The following SPATA2 variants were observed in gnomAD, a reference collection of about 807,000 sequenced individuals.
The protein encoded by SPATA2 is spermatogenesis-associated protein 2.
A neutral mutation model predicts 35.4 loss-of-function variants in SPATA2; 8 were observed. The observed-to-expected ratio is 0.23, with a 90% CI of 0.13 to 0.41. The LOEUF is 0.41. Among genes scored for constraint, SPATA2 ranks in the 10% least tolerant of loss-of-function variants. SPATA2 has a pLI of 1.00. For missense variants in SPATA2, 650 were observed against 698.7 expected (o/e 0.93, Z 0.79); for synonymous variants, 293 against 300.9 (o/e 0.97, Z 0.27).
chr20:49,907,163 C>A (rs149698362), intron 2 of SPATA2, among the ~76,000 whole-genome samples: 1 of 152,162 alleles, frequency 6.6e-6, no homozygotes. Flanking sequence ...TGGGTTCAAG[C>A]GATTCTCCTG....
chr20:49,914,136 C>T (rs1170997195), intron 1 of SPATA2, among the ~76,000 whole-genome samples: 1 of 152,038 alleles, frequency 6.6e-6, no homozygotes, highest in Non-Finnish European at 1.5e-5. Context: ...TCAGCACCTC[C>T]TGCACCCACA....
Position 49,906,670 on chromosome 20 carries a change from A to G in SPATA2, c.512T>C (p.Val171Ala). The G allele has an allele frequency of 6.2e-7, 1 of 1,614,152 alleles. No homozygotes were observed. Among genetic ancestry groups the G allele is most frequent in the Non-Finnish European group, 8.5e-7 (1 of 1,180,028 alleles). Residue 171 changes from valine (V) to alanine (A), a missense_variant, in exon 3 of 3, where the codon GTC becomes GCC. By Grantham distance (64) the Val-to-Ala change is moderately conservative (BLOSUM62 0). Coordinates refer to ENST00000289431, the MANE Select transcript of SPATA2 (RefSeq NM_006038.4). The surrounding 1 kb of genome is among the most constrained non-coding windows in gnomAD (Gnocchi z 8.2). ...GATTTCTAGCATCTGCTCACACTCG[A>G]CTTTGGCCAGAAAGAGCTCAAAGGA... The part of the protein sequence containing the change: ...MVSFELFLAK[V>A]ECEQMLEIHS...
Position 49,905,887 on chromosome 20 carries a change from T to A in SPATA2, c.1295A>T (p.Lys432Met). Residue 432 changes from lysine (K) to methionine (M), a missense_variant, in exon 3 of 3, where the codon AAG (lysine) becomes ATG (methionine). Coordinates refer to ENST00000289431, the MANE Select transcript of SPATA2 (RefSeq NM_006038.4). ...SLAHGASLREKYPGQTQGLDR... is the reference protein window; with the variant it reads ...SLAHGASLREMYPGQTQGLDR... Reference sequence around the variant, plus strand: ...GAGGCCCTGAGTCTGGCCTGGGTACTTCTCCCGCAGAGATGCCCCGTGGGC... The same window carrying A: ...GAGGCCCTGAGTCTGGCCTGGGTACATCTCCCGCAGAGATGCCCCGTGGGC... The A allele has an allele frequency of 6.2e-7, 1 of 1,613,076 alleles. No homozygotes were observed. The highest frequency in any genetic ancestry group is 1.1e-5 in the South Asian group (1 of 91,066).
Position 49,905,780 on chromosome 20 carries a change from C to T in SPATA2, c.1402G>A (p.Ala468Thr), listed in dbSNP as rs36105169. The change falls in exon 3 of 3, where the codon GCC (alanine) becomes ACC (threonine). Residue 468 changes from alanine (A) to threonine (T), a missense_variant. Ala to Thr is a moderately conservative substitution (Grantham distance 58, BLOSUM62 0). Transcript: ENST00000289431. ...SRCGFCNRPG[A>T]TNTCTQCSKV... Reference sequence around the variant, plus strand: ...GAACACTGGGTGCAGGTGTTGGTGGCGCCTGGGCGGTTGCAGAAGCCACAG... The same window carrying T: ...GAACACTGGGTGCAGGTGTTGGTGGTGCCTGGGCGGTTGCAGAAGCCACAG... 3.2e-5 allele frequency: 52 copies of T among 1,614,132 alleles called. No homozygotes were observed. Among genetic ancestry groups the T allele is most frequent in the Admixed American group, 1.3e-4 (8 of 60,024 alleles).
At chr20:49,915,117 C>T (rs994653650) in intron 1 of SPATA2, among the ~76,000 whole-genome samples, 2 of 152,178 alleles carry the variant, frequency 1.3e-5, no homozygotes, top group Non-Finnish European at 2.9e-5. Context: ...TTTGGCCAGT[C>T]GCCGAAGAGG....
At chr20:49,909,179 C>T (rs886362702) in intron 1 of SPATA2, among the ~76,000 whole-genome samples, 3 of 152,180 alleles carry the variant, frequency 2.0e-5, no homozygotes, top group African/African-American at 7.2e-5. Context: ...CCTGCCACCA[C>T]GCCTGGTTAA....
intron 1 of SPATA2, among the ~76,000 whole-genome samples, chr20:49,912,444 C>G (rs536116784): frequency 1.6e-4 from 25 of 152,296 alleles, no homozygotes; most frequent in African/African-American, 5.5e-4. Context: ...AAAACTCCAT[C>G]TCTACATAAA....
At position 49,906,516 on chromosome 20, in the gene SPATA2, C is replaced by T. The variant is rs779220620; in HGVS notation, c.666G>A (p.Thr222=). 17 of 1,612,022 alleles carry T rather than the reference C, an allele frequency of 1.1e-5. No individual in the cohort carries two copies. The highest frequency in any genetic ancestry group is 1.2e-5 in the Non-Finnish European group (14 of 1,179,848). ...RRRAEGREHL[T]ASMSRVALQK... The stretch of plus-strand genomic sequence containing the variant: ...GGAGTGCCACTCGTGACATGGAGGC[C>T]GTCAGGTGCTCCCGGCCCTCTGCCC... Residue 222 remains threonine (T), a synonymous_variant, in exon 3 of 3, where the codon ACG becomes ACA. Coordinates refer to ENST00000289431, the MANE Select transcript of SPATA2 (RefSeq NM_006038.4). This position sits in a 1 kb window ranked among gnomAD's most constrained non-coding sequence, Gnocchi z 8.2.
In SPATA2 at chr20:49,904,632, G is replaced by A. The variant is rs1261713468; in HGVS notation, c.*987C>T. On this transcript the variant is annotated 3_prime_UTR_variant, in exon 3 of 3. Coordinates refer to ENST00000289431, the MANE Select transcript of SPATA2 (RefSeq NM_006038.4). ...ATAGATAGTTACTGCAGGGAAGACA[G>A]TGGCTCTCCACCAGCTCAAGAAAAG... 6.6e-6 allele frequency: 1 copy of A among 152,608 alleles called. No homozygotes were observed. Among genetic ancestry groups the A allele is most frequent in the Non-Finnish European group, 1.5e-5 (1 of 68,064 alleles). 9.5% of individuals were successfully genotyped at this position (152,608 alleles called of 1,614,324 possible).
chr20:49,903,932 T>G lies in SPATA2; in HGVS notation c.*1687A>C, dbSNP rs1048953410. 2.8e-4 allele frequency: 22 copies of G among 79,366 alleles called. 1 individual carries two copies. In the East Asian group the frequency reaches 3.8e-3, roughly 14 times the overall value. The allele number at this position is 79,366 out of a possible 1,614,324, so 4.9% of individuals were successfully genotyped here. A position where few individuals can be genotyped will look rare whatever the true frequency, so the allele number is the denominator to read the frequency against. On this transcript the variant is annotated 3_prime_UTR_variant, in exon 3 of 3. Coordinates refer to ENST00000289431, the MANE Select transcript of SPATA2 (RefSeq NM_006038.4). ...ATATATATATATATATATATATATATATATATATATATATATATATTAAAA... is the reference window on the plus strand; with the variant it reads ...ATATATATATATATATATATATATAGATATATATATATATATATATTAAAA...
rs1201189309 is a variant in SPATA2, at chr20:49,906,627, G to C, written c.555C>G (p.Asp185Glu). The change falls in exon 3 of 3, where the codon GAC becomes GAG. Residue 185 changes from aspartate to glutamate, a missense_variant. Coordinates refer to ENST00000289431, the MANE Select transcript of SPATA2 (RefSeq NM_006038.4). The surrounding 1 kb of genome is among the most constrained non-coding windows in gnomAD (Gnocchi z 8.2). Reference sequence around the variant, plus strand: ...CAATGTCCAGCTCGGAGTAGCCCTTGTCCTTCACTTGTGAGTGGATTTCTA... The same window carrying C: ...CAATGTCCAGCTCGGAGTAGCCCTTCTCCTTCACTTGTGAGTGGATTTCTA... ...QMLEIHSQVK[D>E]KGYSELDIVS... 6.2e-7 allele frequency: 1 copy of C among 1,614,128 alleles called. No individual in the cohort carries two copies. The highest frequency in any genetic ancestry group is 8.5e-7 in the Non-Finnish European group (1 of 1,180,050).
chr20:49,907,119 G>C (rs935009250), intron 2 of SPATA2, among the ~76,000 whole-genome samples: 2 of 152,186 alleles, frequency 1.3e-5, no homozygotes, highest in East Asian at 3.9e-4. Flanking sequence ...GGAGTGCGGT[G>C]GTGCGATCTT....
rs370523989 is a variant in SPATA2 at position 49,906,537 on chromosome 20, T to C, written c.645A>G (p.Ala215=). 3 of 1,613,032 alleles carry C rather than the reference T, an allele frequency of 1.9e-6. No homozygotes were observed. The highest frequency in any genetic ancestry group is 2.5e-6 in the Non-Finnish European group (3 of 1,179,858). ...AGGCCGTCAGGTGCTCCCGGCCCTC[T>C]GCCCGCCGCCGCAGGGCGTCCGAGC... ...RGCSDALRRR[A]EGREHLTASM... Residue 215 remains alanine, a synonymous_variant, in exon 3 of 3, where the codon GCA becomes GCG. Transcript: ENST00000289431. This position sits in a 1 kb window ranked among gnomAD's most constrained non-coding sequence, Gnocchi z 8.2.
intron 2 of SPATA2, 51 bp downstream of exon 2, chr20:49,908,104 G>C (rs1364322739): frequency 9.2e-6 from 14 of 1,522,388 alleles, no homozygotes; most frequent in African/African-American, 2.7e-5. Context: ...GGACTGCCAG[G>C]GGCAGGAAGA....
chr20:49,906,263 C>G lies in SPATA2; in HGVS notation c.919G>C (p.Gly307Arg), dbSNP rs375710720. The change falls in exon 3 of 3, where the codon GGC (glycine) becomes CGC (arginine). Residue 307 changes from glycine to arginine, a missense_variant. Physicochemically the swap from Gly to Arg is moderately radical, Grantham distance 125. Coordinates refer to ENST00000289431, the MANE Select transcript of SPATA2 (RefSeq NM_006038.4). This position sits in a 1 kb window ranked among gnomAD's most constrained non-coding sequence, Gnocchi z 8.2. ...SLLTMASSPH[G>R]SPDVLPPASP... Reference sequence around the variant, plus strand: ...GCGGGTGGAAGCACATCCGGGCTGCCGTGGGGGGAGCTGGCCATGGTCAGC... The same window carrying G: ...GCGGGTGGAAGCACATCCGGGCTGCGGTGGGGGGAGCTGGCCATGGTCAGC... The G allele has an allele frequency of 6.4e-7, 1 of 1,571,118 alleles. No individual in the cohort carries two copies.
At chr20:49,907,565 G>A (rs926368024) in intron 2 of SPATA2, among the ~76,000 whole-genome samples, 1 of 148,412 alleles carries the variant, frequency 6.7e-6, no homozygotes, top group African/African-American at 2.4e-5. Context: ...GCCTGGCTAG[G>A]TGACAGCTCT....
chr20:49,908,872 G>A (rs1156309145), intron 1 of SPATA2, among the ~76,000 whole-genome samples: 1 of 152,182 alleles, frequency 6.6e-6, no homozygotes, highest in Non-Finnish European at 1.5e-5. Context: ...GGGGAAGGGC[G>A]AGTTTAGGAA....
chr20:49,907,013 G>C (rs2090150183), intron 2 of SPATA2, among the ~76,000 whole-genome samples, 168 bp from the exon 3 acceptor site: 1 of 152,206 alleles, frequency 6.6e-6, no homozygotes, highest in Non-Finnish European at 1.5e-5. Flanking sequence ...AGACGCAGGA[G>C]CTGGGGCTTG....
chr20:49,909,786 C>T (rs767224188), intron 1 of SPATA2, among the ~76,000 whole-genome samples: 20 of 152,140 alleles, frequency 1.3e-4, no homozygotes, highest in Non-Finnish European at 2.6e-4. Context: ...ACCCTCAGCC[C>T]CAAGGCCGCA....
Sources: gnomAD v4.1 joint callset for allele counts (sites outside exome capture counted in the v4.1 genomes callset) on GRCh38, gnomAD v4.1.1 for gene constraint, Gnocchi (gnomAD v3.1) non-coding constraint, MANE v1.5 for transcripts, NCBI Gene and HGNC (gene_info 2026-07-23, HGNC 2026-07-21) for gene names.